Variants in SRGAP1 observed in about 807,000 individuals in gnomAD.
SRGAP1 encodes SLIT-ROBO Rho GTPase-activating protein 1.
SRGAP1 carries 43 observed loss-of-function variants against 121.9 expected under a neutral mutation model. The ratio of observed to expected loss-of-function variants is 0.35; its 90% CI spans 0.28 to 0.46. SRGAP1 has a LOEUF of 0.46. Among genes scored for constraint, SRGAP1 ranks in the 20% least tolerant of loss-of-function variants. SRGAP1 has a pLI of 1.00. For missense variants in SRGAP1, 1,102 were observed against 1,350.9 expected, an observed-to-expected ratio of 0.82 and a Z score of 2.89; for synonymous variants, 447 against 485.4, an observed-to-expected ratio of 0.92 and a Z score of 1.04.
chr12:64,038,036 A>T (rs535990717), intron 4 of SRGAP1, among the ~76,000 whole-genome samples: 24 of 152,308 alleles, frequency 1.6e-4, no homozygotes, highest in African/African-American at 5.1e-4. Context: ...ACCTCATCTG[A>T]AGCCAGGCTG....
chr12:64,046,807 C>T (rs1055778912), intron 6 of SRGAP1, among the ~76,000 whole-genome samples: 4 of 152,034 alleles, frequency 2.6e-5, no homozygotes, highest in Admixed American at 6.6e-5. Context: ...GAGTCATTAC[C>T]ATCATTGTCA....
chr12:63,883,319 GAC>G (rs1565934518), intron 1 of SRGAP1, among the ~76,000 whole-genome samples: 1 of 152,108 alleles, frequency 6.6e-6, no homozygotes, highest in East Asian at 1.9e-4. Flanking sequence ...CTTGAAACTG[GAC>G]ACAGTTTTAC....
At chr12:63,894,940 A>C (rs1900706877) in intron 1 of SRGAP1, among the ~76,000 whole-genome samples, 1 of 150,762 alleles carries the variant, frequency 6.6e-6, no homozygotes, top group African/African-American at 2.5e-5. Context: ...ACACATGTGC[A>C]TGTGCCTTTA....
At chr12:63,992,339 A>G (rs2033576758) in intron 3 of SRGAP1, among the ~76,000 whole-genome samples, 1 of 152,168 alleles carries the variant, frequency 6.6e-6, no homozygotes, top group Non-Finnish European at 1.5e-5. Flanking sequence ...TGATCTTGGG[A>G]GATCATTCCA....
intron 4 of SRGAP1, among the ~76,000 whole-genome samples, chr12:64,042,201 TTTTTG>T (rs1007912798): frequency 2.6e-5 from 4 of 152,164 alleles, no homozygotes; most frequent in African/African-American, 7.2e-5. Flanking sequence ...CCGGCCTATT[TTTTTG>T]TTTTGTTTTG....
chr12:64,121,632 G>A (rs1357821072), intron 18 of SRGAP1, among the ~76,000 whole-genome samples: 2 of 152,022 alleles, frequency 1.3e-5, no homozygotes, highest in Non-Finnish European at 2.9e-5. Context: ...TTTCTCACAT[G>A]GTTTATTTCT....
intron 1 of SRGAP1, among the ~76,000 whole-genome samples, chr12:63,912,033 C>T (rs887617949): frequency 1.3e-5 from 2 of 152,094 alleles, no homozygotes; most frequent in East Asian, 3.9e-4. Context: ...TGTACTTGGT[C>T]TCACTTTTGC....
chr12:63,861,177 AT>A (rs5798706), intron 1 of SRGAP1, among the ~76,000 whole-genome samples: 60,306 of 140,148 alleles, frequency 0.43, 12,790 homozygotes, highest in East Asian at 0.63. Flanking sequence ...GCATTCTGTA[AT>A]TTTTTTTTTT....
chr12:64,068,737 C>T (rs2035586800), intron 8 of SRGAP1, among the ~76,000 whole-genome samples: 1 of 151,856 alleles, frequency 6.6e-6, no homozygotes, highest in South Asian at 2.1e-4. Context: ...AGGGTGGGCA[C>T]AGTGGCTCAC....
At chr12:64,087,386 A>G (rs892228635) in intron 11 of SRGAP1, among the ~76,000 whole-genome samples, 2 of 152,228 alleles carry the variant, frequency 1.3e-5, no homozygotes, top group Non-Finnish European at 2.9e-5. Context: ...CATCTACTGC[A>G]TAAGTAAGTA....
intron 6 of SRGAP1, among the ~76,000 whole-genome samples, chr12:64,048,642 C>T (rs1168978812): frequency 6.6e-6 from 1 of 152,124 alleles, no homozygotes; most frequent in Non-Finnish European, 1.5e-5. Flanking sequence ...GTTCCCTTTC[C>T]TCCACATCCT....
At chr12:64,020,008 C>G (rs967456688) in intron 4 of SRGAP1, among the ~76,000 whole-genome samples, 1 of 152,200 alleles carries the variant, frequency 6.6e-6, no homozygotes, top group Non-Finnish European at 1.5e-5. Context: ...GAGAAGTATA[C>G]TAACTTCCAT....
At chr12:64,073,711 T>C (rs868652405) in intron 8 of SRGAP1, among the ~76,000 whole-genome samples, 10 of 151,750 alleles carry the variant, frequency 6.6e-5, no homozygotes, top group Middle Eastern at 6.8e-3. Flanking sequence ...CTTTTTTTTT[T>C]CCAAATATTT....
At chr12:63,852,305 A>G (rs574885231) in intron 1 of SRGAP1, among the ~76,000 whole-genome samples, 3 of 152,282 alleles carry the variant, frequency 2.0e-5, no homozygotes, top group South Asian at 2.1e-4. Context: ...ATGTTGTTCT[A>G]TCTGCTGTAT....
chr12:63,852,664 A>G (rs550280216), intron 1 of SRGAP1, among the ~76,000 whole-genome samples: 1 of 152,342 alleles, frequency 6.6e-6, no homozygotes, highest in African/African-American at 2.4e-5. Flanking sequence ...CTGTATGGAA[A>G]ATGAAAACTG....
intron 1 of SRGAP1, among the ~76,000 whole-genome samples, chr12:63,871,463 G>A (rs1899852062): frequency 6.6e-6 from 1 of 152,142 alleles, no homozygotes; most frequent in African/African-American, 2.4e-5. Context: ...AAAGAACACA[G>A]GGCAATGTAA....
At chr12:63,924,086 A>AG (rs2031168499) in intron 1 of SRGAP1, among the ~76,000 whole-genome samples, 1 of 152,174 alleles carries the variant, frequency 6.6e-6, no homozygotes, top group South Asian at 2.1e-4. Context: ...GGTTGCAGGG[A>AG]GGTGGAGGTC....
At chr12:63,897,514 A>G (rs1432072916) in intron 1 of SRGAP1, among the ~76,000 whole-genome samples, 1 of 152,198 alleles carries the variant, frequency 6.6e-6, no homozygotes, top group African/African-American at 2.4e-5. Flanking sequence ...TAGTCTATGG[A>G]AAGAGGTGAA....
At chr12:63,889,542 C>T (rs191605051) in intron 1 of SRGAP1, among the ~76,000 whole-genome samples, 66 of 152,226 alleles carry the variant, frequency 4.3e-4, no homozygotes, top group African/African-American at 1.4e-3. Context: ...TCTACAATGC[C>T]GTGTGGAAAC....
Sources: allele counts gnomAD v4.1 joint callset (sites outside exome capture counted in the v4.1 genomes callset), GRCh38; gene constraint gnomAD v4.1.1; transcripts MANE v1.5; gene names NCBI Gene and HGNC (gene_info 2026-07-23, HGNC 2026-07-21).